PTPRT: variants seen among roughly 807,000 people sequenced by gnomAD.
The protein encoded by PTPRT is receptor-type tyrosine-protein phosphatase T.
A neutral mutation model predicts 176.8 loss-of-function variants in PTPRT; 56 were observed. That is an observed-to-expected ratio of 0.32 (90% CI 0.26 to 0.40). The LOEUF (loss-of-function observed/expected upper bound fraction) is 0.40. PTPRT is among the 10% of genes least tolerant of loss of function. The pLI is 1.00. For missense variants in PTPRT, 1,540 were observed against 1,908.2 expected (o/e 0.81, Z 3.60); for synonymous variants, 783 against 739.0 (o/e 1.06, Z -0.96).
chr20:42,222,442 A>G (rs2055907345), intron 15 of PTPRT, among the ~76,000 whole-genome samples: 1 of 152,204 alleles, frequency 6.6e-6, no homozygotes, highest in South Asian at 2.1e-4. Context: ...GGAAGGCCTC[A>G]GGTGATACAC....
chr20:42,159,445 GT>G (rs1385751778), intron 17 of PTPRT, among the ~76,000 whole-genome samples: 1 of 150,708 alleles, frequency 6.6e-6, no homozygotes, highest in African/African-American at 2.4e-5. Flanking sequence ...TATACTTTAA[GT>G]TTTAGGGTAC....
At chr20:42,822,211 C>T (rs2077907158) in intron 2 of PTPRT, among the ~76,000 whole-genome samples, 1 of 152,048 alleles carries the variant, frequency 6.6e-6, no homozygotes, top group African/African-American at 2.4e-5. Flanking sequence ...GATATACAGA[C>T]CAATGGAACA....
intron 6 of PTPRT, among the ~76,000 whole-genome samples, chr20:42,708,618 G>A (rs551077878): frequency 9.8e-5 from 15 of 152,306 alleles, no homozygotes; most frequent in Admixed American, 2.0e-4. Context: ...GTTCCACTTT[G>A]CATTTCCCGT....
intron 2 of PTPRT, among the ~76,000 whole-genome samples, chr20:42,793,839 C>G (rs74520452): frequency 0.024 from 3,591 of 152,182 alleles, 53 homozygotes; most frequent in East Asian, 0.053. Flanking sequence ...ACTCACAAGC[C>G]CCACAAAGGG....
intron 1 of PTPRT, among the ~76,000 whole-genome samples, chr20:42,970,500 C>T (rs1051043680): frequency 3.3e-5 from 5 of 152,124 alleles, no homozygotes; most frequent in Non-Finnish European, 4.4e-5. Flanking sequence ...AATAGTTATG[C>T]GACCTTGACA....
chr20:43,168,422 A>G (rs1248853581), intron 1 of PTPRT, among the ~76,000 whole-genome samples: 3 of 152,200 alleles, frequency 2.0e-5, no homozygotes, highest in Non-Finnish European at 4.4e-5. Context: ...AGACCATTTG[A>G]ATGAGACTGA....
At chr20:42,950,547 C>G (rs1282749396) in intron 1 of PTPRT, among the ~76,000 whole-genome samples, 1 of 152,164 alleles carries the variant, frequency 6.6e-6, no homozygotes, top group Non-Finnish European at 1.5e-5. Context: ...GTGCCAATAG[C>G]TCCAAACCCC....
At chr20:43,180,576 G>A (rs2015232273) in intron 1 of PTPRT, among the ~76,000 whole-genome samples, 1 of 151,672 alleles carries the variant, frequency 6.6e-6, no homozygotes, top group South Asian at 2.1e-4. Flanking sequence ...CGATTCTCCT[G>A]CCTCAGTCTC....
chr20:42,879,182 A>T lies in PTPRT; in HGVS notation c.214+6625T>A, dbSNP rs2078976950. Among the ~76,000 whole-genome samples the T allele has an allele frequency of 3.3e-5, 5 of 152,200 alleles. No individual in the cohort carries two copies. In the South Asian group the frequency reaches 1.0e-3, roughly 32 times the overall value. ...TTTCCTAGAACTGCTATTAAAAATT[A>T]CCATGAGCTGGGTGGCTTAAGACAA... On this transcript the variant is annotated intron_variant, in intron 2 of 30. Transcript: ENST00000373187.
In PTPRT at chr20:42,383,205, A is replaced by G. The variant is rs1393358114; in HGVS notation, c.1561-30920T>C. ...CAGAGCACAGGACTTCTGAAATTAT[A>G]GTTACACTGGTGGAGTTATGGAATA... On this transcript the variant is annotated intron_variant, in intron 9 of 30. Transcript: ENST00000373187. 5.3e-5 allele frequency among the ~76,000 whole-genome samples: 8 copies of G among 152,324 alleles called. No individual in the cohort carries two copies. The East Asian group carries it at 1.5e-3, about 29-fold the overall frequency.
At chr20:42,811,653 T>A (rs534724106) in intron 2 of PTPRT, among the ~76,000 whole-genome samples, 1 of 152,302 alleles carries the variant, frequency 6.6e-6, no homozygotes, top group East Asian at 1.9e-4. Flanking sequence ...TCCCCTCAAC[T>A]TCTCCTCCCT....
At chr20:42,104,337 T>G (rs1986226974) in intron 25 of PTPRT, among the ~76,000 whole-genome samples, 1 of 152,072 alleles carries the variant, frequency 6.6e-6, no homozygotes, top group African/African-American at 2.4e-5. Flanking sequence ...ATGTGAGAGC[T>G]TGCTGCTTCT....
intron 1 of PTPRT, among the ~76,000 whole-genome samples, chr20:43,165,591 A>G (rs931569349): frequency 7.2e-5 from 11 of 152,186 alleles, no homozygotes; most frequent in Non-Finnish European, 1.5e-5. Flanking sequence ...CAAATTACCT[A>G]GTCTCAGGTA....
chr20:42,899,328 C>A (rs908198443), intron 1 of PTPRT, among the ~76,000 whole-genome samples: 3 of 152,226 alleles, frequency 2.0e-5, no homozygotes, highest in Non-Finnish European at 4.4e-5. Flanking sequence ...GAAGGACAGG[C>A]TTAAACTGGT....
At chr20:42,677,079 G>C (rs2075517550) in intron 7 of PTPRT, among the ~76,000 whole-genome samples, 1 of 152,172 alleles carries the variant, frequency 6.6e-6, no homozygotes, top group Admixed American at 6.5e-5. Flanking sequence ...CTCTTAGGTA[G>C]GGATAGGAGC....
chr20:42,297,641 A>G (rs1324816184), intron 12 of PTPRT, among the ~76,000 whole-genome samples: 2 of 152,202 alleles, frequency 1.3e-5, no homozygotes, highest in South Asian at 2.1e-4. Context: ...TCCCATAATT[A>G]TAACAGTGTG....
chr20:43,152,450 T>C (rs779323943), intron 1 of PTPRT, among the ~76,000 whole-genome samples: 8 of 152,186 alleles, frequency 5.3e-5, no homozygotes, highest in Non-Finnish European at 1.0e-4. Context: ...GACCCACAGA[T>C]CTATCTCAGT....
intron 2 of PTPRT, among the ~76,000 whole-genome samples, chr20:42,878,200 A>G (rs1024162401): frequency 1.3e-5 from 2 of 152,246 alleles, no homozygotes; most frequent in African/African-American, 2.4e-5. Context: ...TAAATATGCA[A>G]CAATATGGGG....
At chr20:42,222,435 A>C (rs1028004746) in intron 15 of PTPRT, among the ~76,000 whole-genome samples, 1 of 152,190 alleles carries the variant, frequency 6.6e-6, no homozygotes, top group African/African-American at 2.4e-5. Context: ...GCCCAGGGGA[A>C]GGCCTCAGGT....
Sources: allele counts gnomAD v4.1 joint callset (sites outside exome capture counted in the v4.1 genomes callset), GRCh38; gene constraint gnomAD v4.1.1; transcripts MANE v1.5; gene names NCBI Gene and HGNC (gene_info 2026-07-23, HGNC 2026-07-21).